Variants in EPHA6 observed in about 807,000 individuals in gnomAD.
EPHA6 encodes EPH receptor A6.
A neutral mutation model predicts 112.0 loss-of-function variants in EPHA6; 50 were observed. The ratio of observed to expected loss-of-function variants is 0.45; its 90% CI spans 0.36 to 0.56. EPHA6 has a LOEUF of 0.56. Ranked by LOEUF, EPHA6 falls within the 20% of genes least tolerant of loss-of-function variation. EPHA6 has a pLI of 0.00. For synonymous variants in EPHA6, 529 were observed against 490.7 expected, an observed-to-expected ratio of 1.08 and a Z score of -1.03; for missense variants, 1,280 against 1,417.4, an observed-to-expected ratio of 0.90 and a Z score of 1.56.
chr3:96,986,917 G>T (rs545839233), intron 2 of EPHA6, among the ~76,000 whole-genome samples: 8 of 152,120 alleles, frequency 5.3e-5, no homozygotes, highest in African/African-American at 1.7e-4. Context: ...CCCTAAGTGC[G>T]TTTTTTATAT....
At chr3:97,135,673 C>A (rs572007518) in intron 3 of EPHA6, among the ~76,000 whole-genome samples, 2 of 151,560 alleles carry the variant, frequency 1.3e-5, no homozygotes, top group African/African-American at 2.4e-5. Context: ...GAACAAGTTT[C>A]CCGGTGATGC....
At chr3:96,935,139 T>C (rs1047914921) in intron 2 of EPHA6, among the ~76,000 whole-genome samples, 5 of 151,874 alleles carry the variant, frequency 3.3e-5, no homozygotes, top group Non-Finnish European at 2.9e-5. Context: ...CCATGTTCGT[T>C]TTCACTAAAC....
At chr3:97,192,490 T>C (rs1425936716) in intron 3 of EPHA6, among the ~76,000 whole-genome samples, 3 of 152,168 alleles carry the variant, frequency 2.0e-5, no homozygotes, top group African/African-American at 7.2e-5. Flanking sequence ...TTTTCTCCTG[T>C]AGAGTTGTTT....
chr3:97,175,115 T>G (rs2076802062), intron 3 of EPHA6, among the ~76,000 whole-genome samples: 1 of 151,994 alleles, frequency 6.6e-6, no homozygotes, highest in African/African-American at 2.4e-5. Flanking sequence ...ATTTTGCATG[T>G]GGATATTCAG....
chr3:97,318,386 TTGGAACTTAGCC>T (rs1461283646), intron 5 of EPHA6, among the ~76,000 whole-genome samples: 4 of 152,018 alleles, frequency 2.6e-5, no homozygotes, highest in African/African-American at 9.7e-5. Flanking sequence ...GTTGTTCTAG[TTGGAACTTAGCC>T]TCTGGTGCCC....
chr3:97,736,466 AGAGAGTGTGTGTGTGT>A (rs1415611689), intron 16 of EPHA6, among the ~76,000 whole-genome samples: 2 of 111,918 alleles, frequency 1.8e-5, no homozygotes, highest in African/African-American at 6.9e-5. Context: ...AGAGAGAGAG[AGAGAGTGTGTGTGTGT>A]GTGTGTGTGT....
intron 3 of EPHA6, among the ~76,000 whole-genome samples, chr3:97,002,918 A>G (rs540190860): frequency 5.4e-4 from 82 of 152,292 alleles, no homozygotes; most frequent in African/African-American, 1.6e-3. Flanking sequence ...ATATTCATCA[A>G]TGTTACCAAG....
intron 14 of EPHA6, among the ~76,000 whole-genome samples, chr3:97,675,059 C>A (rs2031232174): frequency 6.6e-6 from 1 of 152,144 alleles, no homozygotes; most frequent in Admixed American, 6.6e-5. Flanking sequence ...AACTAAGAAA[C>A]AACAGCACAT....
At chr3:97,307,644 T>TAA in intron 5 of EPHA6, among the ~76,000 whole-genome samples, 1 of 151,580 alleles carries the variant, frequency 6.6e-6, no homozygotes, top group East Asian at 1.9e-4. Context: ...TGTCTACTCT[T>TAA]AGAGTCAGAT....
At chr3:97,597,995 A>G (rs1441206282) in intron 12 of EPHA6, among the ~76,000 whole-genome samples, 2 of 152,200 alleles carry the variant, frequency 1.3e-5, no homozygotes, top group Non-Finnish European at 2.9e-5. Flanking sequence ...CATAAACTCA[A>G]TATGCCAAGG....
At chr3:97,380,892 T>G (rs2085687681) in intron 5 of EPHA6, among the ~76,000 whole-genome samples, 1 of 152,178 alleles carries the variant, frequency 6.6e-6, no homozygotes, top group Non-Finnish European at 1.5e-5. Flanking sequence ...AAGAGCATTA[T>G]CTATAATGTA....
chr3:96,841,199 G>A lies in EPHA6; in HGVS notation c.386-25626G>A, dbSNP rs116451376. 3.9e-3 allele frequency among the ~76,000 whole-genome samples: 594 copies of A among 152,188 alleles called. 3 individuals are homozygous for A. The highest frequency in any genetic ancestry group is 0.01 in the Middle Eastern group (3 of 294). On this transcript the variant is annotated intron_variant, in intron 1 of 17. Transcript: ENST00000389672. ...CTTGAAGTGGAGAGGGGACTTCCAG[G>A]TAATAGGTAGAAAGAGACAAATGGT...
chr3:97,380,000 A>C (rs2085632413), intron 5 of EPHA6, among the ~76,000 whole-genome samples: 1 of 152,154 alleles, frequency 6.6e-6, no homozygotes, highest in South Asian at 2.1e-4. Flanking sequence ...CAGGATTTTC[A>C]GAAATAGGAA....
intron 2 of EPHA6, among the ~76,000 whole-genome samples, chr3:96,978,994 C>G (rs1339040511): frequency 6.6e-6 from 1 of 151,990 alleles, no homozygotes; most frequent in African/African-American, 2.4e-5. Flanking sequence ...TTTTGTTGAA[C>G]ATGGTTAATG....
chr3:97,106,125 T>G (rs1177594809), intron 3 of EPHA6, among the ~76,000 whole-genome samples: 1 of 152,080 alleles, frequency 6.6e-6, no homozygotes, highest in Non-Finnish European at 1.5e-5. Flanking sequence ...AAAAGCAAAT[T>G]TTTGCCTGCA....
chr3:97,591,305 G>GAT (rs1180072046), intron 11 of EPHA6, among the ~76,000 whole-genome samples: 1 of 152,140 alleles, frequency 6.6e-6, no homozygotes, highest in Non-Finnish European at 1.5e-5. Context: ...ATGGAAACAA[G>GAT]ATATATATAG....
chr3:97,421,742 G>T (rs1238137458), intron 6 of EPHA6, among the ~76,000 whole-genome samples: 1 of 152,116 alleles, frequency 6.6e-6, no homozygotes, highest in East Asian at 1.9e-4. Flanking sequence ...ACTGTATAGT[G>T]CATAACATTG....
intron 5 of EPHA6, among the ~76,000 whole-genome samples, chr3:97,300,990 G>T (rs1320679944): frequency 6.6e-6 from 1 of 152,074 alleles, no homozygotes; most frequent in Non-Finnish European, 1.5e-5. Context: ...CTTGCAGCAG[G>T]TGACCTCCAG....
intron 13 of EPHA6, among the ~76,000 whole-genome samples, chr3:97,621,432 A>G (rs2093813445): frequency 6.6e-6 from 1 of 151,986 alleles, no homozygotes; most frequent in Admixed American, 6.6e-5. Context: ...AAAAGTTTTG[A>G]ATTTCTTTTT....
Sources: gnomAD v4.1 joint callset for allele counts (sites outside exome capture counted in the v4.1 genomes callset) on GRCh38, gnomAD v4.1.1 for gene constraint, MANE v1.5 for transcripts, NCBI Gene and HGNC (gene_info 2026-07-23, HGNC 2026-07-21) for gene names.